Variants in DPP6 observed in about 807,000 individuals in gnomAD.
The protein encoded by DPP6 is A-type potassium channel modulatory protein DPP6.
A neutral mutation model predicts 122.6 loss-of-function variants in DPP6; 69 were observed. That is an observed-to-expected ratio of 0.56 (90% CI 0.46 to 0.69). DPP6 has a LOEUF of 0.69. Ranked by LOEUF, DPP6 falls within the 30% of genes least tolerant of loss-of-function variation. DPP6 has a pLI of 0.00. For synonymous variants in DPP6, 418 were observed against 433.1 expected, an observed-to-expected ratio of 0.97 and a Z score of 0.43; for missense variants, 928 against 1,116.9, an observed-to-expected ratio of 0.83 and a Z score of 2.41.
chr7:154,266,559 A>G (rs1221495899), intron 1 of DPP6, among the ~76,000 whole-genome samples: 2 of 152,232 alleles, frequency 1.3e-5, no homozygotes, highest in African/African-American at 4.8e-5. Flanking sequence ...AGCCTGGGTG[A>G]CAGAGCGAGA....
rs533718752 is a variant in DPP6 at position 153,983,904 on chromosome 7, GACTGTGT to G, written c.51+96173_51+96179del. On this transcript the variant is annotated intron_variant, in intron 1 of 25. Transcript: ENST00000404039. ...CTGTCTAACCAGTCCCAGTGAGACG[GACTGTGT>G]ACCTCAGTTGGAAATGCAGAAATCA... Among the ~76,000 whole-genome samples the G allele has an allele frequency of 5.1e-4, 77 of 152,110 alleles. 1 individual carries two copies. The South Asian group carries it at 0.015, about 29-fold the overall frequency.
chr7:153,840,442 GA>G, the DPP6 span, among the ~76,000 whole-genome samples: 1 of 151,892 alleles, frequency 6.6e-6, no homozygotes, highest in Admixed American at 6.6e-5. Context: ...GTACTTGTAT[GA>G]ATTCTGGTGT....
At chr7:154,424,762 A>G (rs949722335) in intron 1 of DPP6, among the ~76,000 whole-genome samples, 3 of 152,220 alleles carry the variant, frequency 2.0e-5, no homozygotes, top group African/African-American at 7.2e-5. Flanking sequence ...TTCTAGATCT[A>G]GAAGTTGCCA....
chr7:154,419,375 A>G (rs778155760), intron 1 of DPP6, among the ~76,000 whole-genome samples: 10 of 152,202 alleles, frequency 6.6e-5, no homozygotes, highest in Non-Finnish European at 1.3e-4. Context: ...TTAAATTCAC[A>G]TTGACTATTT....
Position 154,635,765 on chromosome 7 carries a change from C to T in DPP6, c.628-2056C>T, listed in dbSNP as rs193205563. The stretch of plus-strand genomic sequence containing the variant: ...GATGGGGAACCCATTTCCACATCCA[C>T]TCACATGGCTTCTGGCAAGAGGCAG... On this transcript the variant is annotated intron_variant, in intron 5 of 25. Coordinates refer to ENST00000377770, the MANE Select transcript of DPP6 (RefSeq NM_130797.4). 3.3e-3 allele frequency among the ~76,000 whole-genome samples: 500 copies of T among 152,276 alleles called. 10 individuals are homozygous for T. The highest frequency in any genetic ancestry group is 9.1e-4 in the Non-Finnish European group (62 of 68,020).
At chr7:154,504,988 A>G (rs1385391242) in intron 3 of DPP6, among the ~76,000 whole-genome samples, 3 of 152,236 alleles carry the variant, frequency 2.0e-5, no homozygotes, top group Non-Finnish European at 2.9e-5. Flanking sequence ...AATTAAGCTG[A>G]CAAAAACTAT....
intron 6 of DPP6, among the ~76,000 whole-genome samples, chr7:154,664,212 C>T (rs1022762863): frequency 6.6e-6 from 1 of 152,126 alleles, no homozygotes; most frequent in Non-Finnish European, 1.5e-5. Context: ...CATTGTGAAT[C>T]ACCATGGCTT....
intron 6 of DPP6, among the ~76,000 whole-genome samples, chr7:154,653,541 TAGATATAG>T (rs1404386006): frequency 2.0e-5 from 3 of 151,608 alleles, no homozygotes; most frequent in Non-Finnish European, 3.0e-5. Context: ...AAATGATAGA[TAGATATAG>T]ATAGATAATA....
intron 16 of DPP6, among the ~76,000 whole-genome samples, chr7:154,820,516 C>T (rs750346351): frequency 3.3e-5 from 5 of 152,182 alleles, no homozygotes; most frequent in South Asian, 2.1e-4. Flanking sequence ...TAAATGAATA[C>T]GGCTTCTTAA....
At chr7:154,650,454 A>C (rs73165062) in intron 6 of DPP6, among the ~76,000 whole-genome samples, 4,834 of 152,282 alleles carry the variant, frequency 0.032, 175 homozygotes, top group African/African-American at 0.085. Context: ...GCACAGAGCC[A>C]TCTGCACTTG....
the DPP6 span, among the ~76,000 whole-genome samples, chr7:153,827,546 T>G: frequency 4.1e-4 from 62 of 152,278 alleles, no homozygotes; most frequent in Admixed American, 6.5e-4. Flanking sequence ...GACTAGGTAG[T>G]TGAGAGGCTG....
chr7:154,048,346 C>G (rs200458365), upstream of DPP6, among the ~76,000 whole-genome samples: 563 of 91,234 alleles, frequency 6.2e-3, 12 homozygotes, highest in African/African-American at 0.022. Context: ...GTGTGTGTGT[C>G]CTGGATATTT....
chr7:154,706,722 G>A (rs895429602), intron 7 of DPP6, among the ~76,000 whole-genome samples: 49 of 152,202 alleles, frequency 3.2e-4, no homozygotes, highest in African/African-American at 1.1e-3. Flanking sequence ...ATGCTTAAAA[G>A]CACAATTTTA....
chr7:153,888,622 C>T (rs1490795260), intron 1 of DPP6, among the ~76,000 whole-genome samples: 1 of 151,556 alleles, frequency 6.6e-6, no homozygotes, highest in Non-Finnish European at 1.5e-5. Flanking sequence ...GTTTGTGTGC[C>T]TTCGTGTGTT....
At chr7:153,815,518 G>A in the DPP6 span, among the ~76,000 whole-genome samples, 798 of 118,194 alleles carry the variant, frequency 6.8e-3, 7 homozygotes, top group African/African-American at 0.023. Context: ...TCCCTCCCCC[G>A]TCCCCCCACC....
intron 8 of DPP6, among the ~76,000 whole-genome samples, chr7:154,754,844 GA>G (rs1318286746): frequency 1.3e-5 from 2 of 152,142 alleles, no homozygotes; most frequent in African/African-American, 4.8e-5. Context: ...GATGAAGCTG[GA>G]AACCATCATC....
At chr7:154,647,955 C>A (rs12540355) in intron 6 of DPP6, among the ~76,000 whole-genome samples, 1 of 151,832 alleles carries the variant, frequency 6.6e-6, no homozygotes, top group South Asian at 2.1e-4. Flanking sequence ...TTCTTCCACA[C>A]AATCACTGAG....
At chr7:153,953,266 A>G (rs532821040) in intron 1 of DPP6, among the ~76,000 whole-genome samples, 1 of 152,314 alleles carries the variant, frequency 6.6e-6, no homozygotes, top group East Asian at 1.9e-4. Flanking sequence ...CAAGAATTAA[A>G]TAAGGGTTGG....
In DPP6 at chr7:154,247,366, A is replaced by G. The variant is rs138286581; in HGVS notation, c.243+194303A>G. On this transcript the variant is annotated intron_variant, in intron 1 of 25. Transcript: ENST00000377770. ...TATTAGAAAAATTATATTCAATTCC[A>G]TTTGTGTGACAAAGGACTTGTATCT... is the stretch of plus-strand genomic sequence containing the variant. 6.1e-3 allele frequency among the ~76,000 whole-genome samples: 931 copies of G among 152,334 alleles called. 18 individuals are homozygous for G. Among genetic ancestry groups the G allele is most frequent in the African/African-American group, 0.02 (849 of 41,578 alleles).
Sources: allele counts gnomAD v4.1 joint callset (sites outside exome capture counted in the v4.1 genomes callset), GRCh38; gene constraint gnomAD v4.1.1; transcripts MANE v1.5; gene names NCBI Gene and HGNC (gene_info 2026-07-23, HGNC 2026-07-21).